PTPRN2: variants seen among roughly 807,000 people sequenced by gnomAD.
The protein encoded by PTPRN2 is protein tyrosine phosphatase receptor type N2, also known as receptor-type tyrosine-protein phosphatase N2.
A neutral mutation model predicts 118.8 loss-of-function variants in PTPRN2; 74 were observed. The ratio of observed to expected loss-of-function variants is 0.62; its 90% CI spans 0.52 to 0.76. PTPRN2 has a LOEUF of 0.76. Ranked by LOEUF, PTPRN2 falls within the 30% of genes least tolerant of loss-of-function variation. PTPRN2 has a pLI of 0.00. For synonymous variants in PTPRN2, 641 were observed against 608.0 expected, an observed-to-expected ratio of 1.05 and a Z score of -0.80; for missense variants, 1,481 against 1,394.4, an observed-to-expected ratio of 1.06 and a Z score of -0.99.
intron 1 of PTPRN2, among the ~76,000 whole-genome samples, chr7:158,584,255 G>T (rs1828800251): frequency 6.6e-6 from 1 of 152,076 alleles, no homozygotes; most frequent in African/African-American, 2.4e-5. Flanking sequence ...TAAACATAGG[G>T]GCCACCTGAG....
At chr7:158,527,986 G>A (rs886074278) in intron 1 of PTPRN2, among the ~76,000 whole-genome samples, 6 of 152,214 alleles carry the variant, frequency 3.9e-5, no homozygotes, top group South Asian at 2.1e-4. Context: ...GATCCCGCCC[G>A]ACACACAGCA....
rs754735649 is a variant in PTPRN2, at chr7:157,940,304, G to C, written c.1724-41567C>G. Among the ~76,000 whole-genome samples the C allele has an allele frequency of 1.0e-3, 154 of 152,264 alleles. 1 individual carries two copies. The highest frequency in any genetic ancestry group is 6.8e-3 in the Middle Eastern group (2 of 294). On this transcript the variant is annotated intron_variant, in intron 11 of 22. Transcript: ENST00000389418. ...TATTATTAAATTTTATAAGGTCTGT[G>C]CTCCTTACTTTCAAAGCAAACTCTT... is the stretch of plus-strand genomic sequence containing the variant.
At chr7:157,945,108 G>T (rs1432836392) in intron 11 of PTPRN2, among the ~76,000 whole-genome samples, 1 of 152,130 alleles carries the variant, frequency 6.6e-6, no homozygotes, top group Non-Finnish European at 1.5e-5. Flanking sequence ...TAGTGTGGGA[G>T]GAACACGGTG....
At chr7:158,277,679 G>A (rs968393) in intron 3 of PTPRN2, among the ~76,000 whole-genome samples, 11,489 of 152,252 alleles carry the variant, frequency 0.075, 540 homozygotes, top group African/African-American at 0.12. Context: ...TTGCCTCCAA[G>A]TCTGTCTCCA....
chr7:157,734,739 A>C (rs952025280), intron 12 of PTPRN2, among the ~76,000 whole-genome samples: 5 of 152,158 alleles, frequency 3.3e-5, no homozygotes, highest in Non-Finnish European at 7.3e-5. Context: ...GATAACACAA[A>C]ACTGTTACAA....
rs116100628 is a variant in PTPRN2, at chr7:158,172,621, C to G, written c.550-5330G>C. 4.5e-3 allele frequency among the ~76,000 whole-genome samples: 676 copies of G among 151,416 alleles called. 5 individuals carry two copies. The highest frequency in any genetic ancestry group is 0.016 in the African/African-American group (648 of 41,252). ...ATCAACAACAGCATCTCCACTATCTCCAACAGCATCCCCACCATCACCATC... is the reference window on the plus strand; with the variant it reads ...ATCAACAACAGCATCTCCACTATCTGCAACAGCATCCCCACCATCACCATC... On this transcript the variant is annotated intron_variant, in intron 5 of 22. Transcript: ENST00000389418.
chr7:157,693,565 G>T (rs2150841499), intron 12 of PTPRN2, among the ~76,000 whole-genome samples: 1 of 152,190 alleles, frequency 6.6e-6, no homozygotes, highest in Admixed American at 6.5e-5. Flanking sequence ...CCAGCGACCC[G>T]GAGCACAGGG....
At chr7:157,744,453 G>T (rs76502047) in intron 12 of PTPRN2, among the ~76,000 whole-genome samples, 5,653 of 152,264 alleles carry the variant, frequency 0.037, 136 homozygotes, top group Non-Finnish European at 0.05. Flanking sequence ...ATTACACAAC[G>T]ATGGAATCTG....
Position 157,596,912 on chromosome 7 carries a change from C to T in PTPRN2, c.2419-1597G>A, listed in dbSNP as rs910197757. Reference sequence around the variant, plus strand: ...AAAATGAGCAAATTTTAACCCTATGCAATTTTAAGCCAACGCACGAGGACA... The same window carrying T: ...AAAATGAGCAAATTTTAACCCTATGTAATTTTAAGCCAACGCACGAGGACA... On this transcript the variant is annotated intron_variant, in intron 16 of 22. Coordinates refer to ENST00000389418, the MANE Select transcript of PTPRN2 (RefSeq NM_002847.5). This position sits in a 1 kb window ranked among gnomAD's most constrained non-coding sequence, Gnocchi z 4.2. Among the ~76,000 whole-genome samples, 1 of 152,208 alleles carries T rather than the reference C, an allele frequency of 6.6e-6. No individual in the cohort carries two copies. The highest frequency in any genetic ancestry group is 2.4e-5 in the African/African-American group (1 of 41,450).
chr7:157,677,426 T>C (rs1394585205), intron 13 of PTPRN2, among the ~76,000 whole-genome samples: 1 of 152,200 alleles, frequency 6.6e-6, no homozygotes, highest in Non-Finnish European at 1.5e-5. Context: ...TGGCCACCTT[T>C]CGAGACTTCA....
At chr7:157,818,000 G>A (rs964742865) in intron 12 of PTPRN2, among the ~76,000 whole-genome samples, 26 of 151,902 alleles carry the variant, frequency 1.7e-4, no homozygotes, top group South Asian at 6.2e-4. Flanking sequence ...TGTGTTGTGC[G>A]TGGGGCATGT....
chr7:158,468,537 G>A (rs1184698849), intron 2 of PTPRN2, among the ~76,000 whole-genome samples: 1 of 152,140 alleles, frequency 6.6e-6, no homozygotes, highest in Non-Finnish European at 1.5e-5. Context: ...TTATGTCTGG[G>A]CATCACTATT....
At chr7:157,548,113 G>A (rs1798417043) in intron 22 of PTPRN2, among the ~76,000 whole-genome samples, 1 of 152,130 alleles carries the variant, frequency 6.6e-6, no homozygotes, top group South Asian at 2.1e-4. Flanking sequence ...TTGCTTGGGA[G>A]GCTGAGGCAG....
intron 5 of PTPRN2, among the ~76,000 whole-genome samples, chr7:158,186,625 A>G (rs1825175666): frequency 1.4e-5 from 2 of 141,616 alleles, no homozygotes; most frequent in Admixed American, 1.4e-4. Context: ...CCCCTCTGTC[A>G]GAAGCCCGCC....
chr7:158,520,358 A>G (rs1276856141), intron 1 of PTPRN2, among the ~76,000 whole-genome samples: 1 of 152,240 alleles, frequency 6.6e-6, no homozygotes, highest in Non-Finnish European at 1.5e-5. Context: ...GGACTCTGAG[A>G]ACTTATTTTT....
intron 2 of PTPRN2, among the ~76,000 whole-genome samples, chr7:158,441,419 TGGTG>T (rs1817178589): frequency 2.7e-5 from 4 of 147,260 alleles, no homozygotes; most frequent in African/African-American, 7.8e-5. Context: ...GTGGTGGTGA[TGGTG>T]ATAGTGATGG....
intron 11 of PTPRN2, chr7:158,028,242 C>G (rs190940586): frequency 8.5e-5 from 13 of 152,398 alleles, no homozygotes; most frequent in African/African-American, 3.1e-4. Flanking sequence ...TGACAGGACC[C>G]TCTCCTCAAG....
intron 3 of PTPRN2, among the ~76,000 whole-genome samples, chr7:158,275,000 C>G (rs2150981047): frequency 6.6e-6 from 1 of 152,298 alleles, no homozygotes; most frequent in East Asian, 1.9e-4. Flanking sequence ...CCTGTCTCCC[C>G]CCAAAATAGG....
intron 3 of PTPRN2, among the ~76,000 whole-genome samples, chr7:158,311,137 C>T (rs1801694723): frequency 6.6e-6 from 1 of 151,982 alleles, no homozygotes; most frequent in South Asian, 2.1e-4. Flanking sequence ...GAACCCGGCT[C>T]CCCTGACCTG....
Sources: gnomAD v4.1 joint callset for allele counts (sites outside exome capture counted in the v4.1 genomes callset) on GRCh38, gnomAD v4.1.1 for gene constraint, Gnocchi (gnomAD v3.1) non-coding constraint, MANE v1.5 for transcripts, NCBI Gene and HGNC (gene_info 2026-07-23, HGNC 2026-07-21) for gene names.